DNM2: variants seen among roughly 807,000 people sequenced by gnomAD.
DNM2 encodes the protein dynamin-2.
Under a neutral mutation model 99.0 loss-of-function variants are expected in DNM2, and 15 were observed. The ratio of observed to expected loss-of-function variants is 0.15; its 90% CI spans 0.10 to 0.23. The LOEUF (loss-of-function observed/expected upper bound fraction) is 0.23. DNM2 is among the 10% of genes least tolerant of loss of function. The probability of loss-of-function intolerance (pLI) is 1.00; values close to 1 mark genes in which losing one functional copy is unlikely to be tolerated. For missense variants in DNM2, 742 were observed against 1,189.4 expected, an observed-to-expected ratio of 0.62 and a Z score of 5.53; for synonymous variants, 525 against 481.2, an observed-to-expected ratio of 1.09 and a Z score of -1.19.
chr19:10,759,288 A>G (rs2070535015), intron 1 of DNM2, among the ~76,000 whole-genome samples: 1 of 152,124 alleles, frequency 6.6e-6, no homozygotes, highest in South Asian at 2.1e-4. Context: ...CCAGGTATCC[A>G]CTGATCTGCC....
At chr19:10,726,439 T>C (rs1568263780) in intron 1 of DNM2, among the ~76,000 whole-genome samples, 1 of 152,220 alleles carries the variant, frequency 6.6e-6, no homozygotes, top group East Asian at 1.9e-4. Flanking sequence ...GTGCAGGCAA[T>C]GTTCTTGCTC....
intron 1 of DNM2, among the ~76,000 whole-genome samples, chr19:10,756,066 G>C (rs1355513118): frequency 6.6e-6 from 1 of 152,168 alleles, no homozygotes; most frequent in Non-Finnish European, 1.5e-5. Context: ...CCAGGGCCAA[G>C]GCTACTTGTG....
At chr19:10,729,346 G>A (rs372260946) in intron 1 of DNM2, among the ~76,000 whole-genome samples, 9 of 151,936 alleles carry the variant, frequency 5.9e-5, no homozygotes, top group Admixed American at 1.3e-4. Context: ...CAACAAGAGC[G>A]AAACTCTATC....
intron 13 of DNM2, among the ~76,000 whole-genome samples, chr19:10,806,758 A>T (rs1451567362): frequency 2.6e-5 from 4 of 152,104 alleles, no homozygotes; most frequent in African/African-American, 9.7e-5. Flanking sequence ...GCGCCACCGC[A>T]CTCCAGTGTG....
At chr19:10,777,705 C>T (rs2071200715) in intron 5 of DNM2, among the ~76,000 whole-genome samples, 1 of 152,156 alleles carries the variant, frequency 6.6e-6, no homozygotes, top group Admixed American at 6.6e-5. Context: ...ACTGATTCTC[C>T]TGCCCCAGCT....
intron 2 of DNM2, among the ~76,000 whole-genome samples, chr19:10,770,912 C>G (rs2070954113): frequency 7.9e-5 from 12 of 152,170 alleles, no homozygotes; most frequent in Admixed American, 7.2e-4. Context: ...ACCATATCAG[C>G]CTCCCAAGTA....
intron 17 of DNM2, 116 bp downstream of exon 17, chr19:10,824,015 C>T (rs1023856392): frequency 2.3e-5 from 22 of 969,752 alleles, no homozygotes; most frequent in Non-Finnish European, 3.3e-5. Context: ...TCTCTGAAAT[C>T]ATGTAGCAGA....
chr19:10,775,562 G>A lies in DNM2; in HGVS notation c.386-141G>A, dbSNP rs967547991. ...GAAGGGGAGTTACTGGATCAAAGGTGTGGTTCAGGCAGAGTGTCAGGCGAC... is the reference window on the plus strand; with the variant it reads ...GAAGGGGAGTTACTGGATCAAAGGTATGGTTCAGGCAGAGTGTCAGGCGAC... On this transcript the variant is annotated intron_variant, in intron 3 of 20. Coordinates refer to ENST00000389253, the MANE Select transcript of DNM2 (RefSeq NM_001005361.3). This position sits in a 1 kb window ranked among gnomAD's most constrained non-coding sequence, Gnocchi z 4.3. 7.2e-5 allele frequency: 64 copies of A among 889,104 alleles called. No individual in the cohort carries two copies. The highest frequency in any genetic ancestry group is 1.1e-5 in the Non-Finnish European group (6 of 529,580). 55.1% of individuals were successfully genotyped at this position (889,104 alleles called of 1,614,324 possible). A position where few individuals can be genotyped will look rare whatever the true frequency, so the allele number is the denominator to read the frequency against.
intron 18 of DNM2, among the ~76,000 whole-genome samples, chr19:10,825,732 G>A (rs1318083972): frequency 1.3e-5 from 2 of 151,162 alleles, no homozygotes; most frequent in Non-Finnish European, 2.9e-5. Flanking sequence ...GCGGGTGCCT[G>A]TAATCCAGCT....
chr19:10,741,557 T>C (rs968110335), intron 1 of DNM2, among the ~76,000 whole-genome samples: 16 of 150,970 alleles, frequency 1.1e-4, no homozygotes, highest in Admixed American at 8.6e-4. Flanking sequence ...CTTTCTTTTT[T>C]TTTTTTTTTT....
chr19:10,789,485 T>A (rs1009483589), intron 7 of DNM2, among the ~76,000 whole-genome samples: 1 of 151,490 alleles, frequency 6.6e-6, no homozygotes, highest in African/African-American at 2.4e-5. Flanking sequence ...AAGCCAGGAG[T>A]TTGAGACCAG....
rs368532099 is a variant in DNM2 at position 10,741,912 on chromosome 19, A to ACCTTCCTCTTTC, written c.162-17822_162-17811dup. On this transcript the variant is annotated intron_variant, in intron 1 of 20. Transcript: ENST00000389253. ...TCCCTTCCTCTTTACCTTCCTCTTT[A>ACCTTCCTCTTTC]CCTTCCTCTTTCCCTCCCTCCCTTC... Among the ~76,000 whole-genome samples, 471 of 135,010 alleles carry ACCTTCCTCTTTC rather than the reference A, an allele frequency of 3.5e-3. 1 individual carries two copies. The highest frequency in any genetic ancestry group is 0.013 in the African/African-American group (453 of 34,918). The allele number at this position is 135,010 out of a possible 152,430, so 88.6% of individuals were successfully genotyped here.
At chr19:10,770,595 GAA>G (rs2070941774) in intron 2 of DNM2, among the ~76,000 whole-genome samples, 1 of 152,174 alleles carries the variant, frequency 6.6e-6, no homozygotes, top group African/African-American at 2.4e-5. Flanking sequence ...ATTTACAAAA[GAA>G]AGAGGTTTAA....
intron 18 of DNM2, among the ~76,000 whole-genome samples, chr19:10,827,740 G>T (rs910722829): frequency 6.6e-6 from 1 of 151,508 alleles, no homozygotes; most frequent in Admixed American, 6.6e-5. Context: ...GTGGTGGCAC[G>T]CGTCTGTAGT....
At chr19:10,819,851 C>T in intron 15 of DNM2, 129 bp from the exon 16 acceptor site, 1 of 837,048 alleles carries the variant, frequency 1.2e-6, no homozygotes, top group Non-Finnish European at 2.1e-6. Flanking sequence ...CAGATGGGCT[C>T]ATATACAGCA....
intron 1 of DNM2, among the ~76,000 whole-genome samples, chr19:10,727,321 G>A (rs2069147171): frequency 1.3e-5 from 2 of 152,058 alleles, no homozygotes; most frequent in African/African-American, 4.8e-5. Flanking sequence ...TGGCCTTGGG[G>A]ACAGTTGTAG....
At position 10,772,974 on chromosome 19, in the gene DNM2, C is replaced by G. The variant is rs1177858396; in HGVS notation, c.385+346C>G. The stretch of plus-strand genomic sequence containing the variant: ...CCAGAACCAGTCTTCTGTAAAATAT[C>G]CTGGGTTTTTTTTTTTTTTTTTTGA... On this transcript the variant is annotated intron_variant, in intron 3 of 20. Transcript: ENST00000389253. This position sits in a 1 kb window ranked among gnomAD's most constrained non-coding sequence, Gnocchi z 4.9. 7.8e-6 allele frequency among the ~76,000 whole-genome samples: 1 copy of G among 128,110 alleles called. No homozygotes were observed. Among genetic ancestry groups the G allele is most frequent in the Non-Finnish European group, 1.6e-5 (1 of 62,382 alleles). 84.0% of individuals were successfully genotyped at this position (128,110 alleles called of 152,430 possible). A position where few individuals can be genotyped will look rare whatever the true frequency, so the allele number is the denominator to read the frequency against.
In DNM2 at chr19:10,759,689, C is replaced by T. The variant is rs557095361; in HGVS notation, c.162-49C>T. 1.2e-5 allele frequency: 19 copies of T among 1,611,950 alleles called. 1 individual carries two copies. In the South Asian group the frequency reaches 1.9e-4, roughly 16 times the overall value. On this transcript the variant is annotated intron_variant, in intron 1 of 20. Transcript: ENST00000389253. ...ACCACATGTGGTCACACTTCCTGCC[C>T]CTCGATCCGGACGCAAGAGTAATTT... is the stretch of plus-strand genomic sequence containing the variant.
chr19:10,762,198 G>A (rs1239852824), intron 2 of DNM2, among the ~76,000 whole-genome samples: 2 of 152,000 alleles, frequency 1.3e-5, no homozygotes, highest in African/African-American at 2.4e-5. Context: ...TACCACGCCC[G>A]GCTAATTTTT....
Sources: allele counts gnomAD v4.1 joint callset (sites outside exome capture counted in the v4.1 genomes callset), GRCh38; gene constraint gnomAD v4.1.1; non-coding constraint Gnocchi (gnomAD v3.1); transcripts MANE v1.5; gene names NCBI Gene and HGNC (gene_info 2026-07-23, HGNC 2026-07-21).